MTHFD1L: variants seen among roughly 807,000 people sequenced by gnomAD.
The protein encoded by MTHFD1L is monofunctional C1-tetrahydrofolate synthase, mitochondrial.
Under a neutral mutation model 119.5 loss-of-function variants are expected in MTHFD1L, and 81 were observed. The ratio of observed to expected loss-of-function variants is 0.68; its 90% CI spans 0.57 to 0.82. The LOEUF is 0.82. Among genes scored for constraint, MTHFD1L ranks in the 40% least tolerant of loss-of-function variants. The pLI, the probability that MTHFD1L is intolerant of heterozygous loss-of-function variation, is 0.00. For missense variants in MTHFD1L, 1,125 were observed against 1,253.4 expected (o/e 0.90, Z 1.55); for synonymous variants, 430 against 475.2 (o/e 0.90, Z 1.24).
rs1197302685 is a variant in MTHFD1L at position 150,945,526 on chromosome 6, G to T, written c.1608G>T (p.Gln536His). ...VNGVREFSEIQLARLKKLGIN... is the reference protein window; with the variant it reads ...VNGVREFSEIHLARLKKLGIN... ...GTGTCAGAGAATTTTCAGAAATTCA[G>T]CTTGCTCGGCTAAAAGTAAGTTTCC... The change falls in exon 15 of 28, where the codon CAG (glutamine) becomes CAT (histidine). Residue 536 changes from glutamine to histidine, a missense_variant. This residue lies in a region of MTHFD1L where 1,058 missense variants were observed against 1,151.2 expected (regional missense o/e 0.92). Coordinates refer to ENST00000367321, the MANE Select transcript of MTHFD1L (RefSeq NM_015440.5). 2 of 1,613,892 alleles carry T rather than the reference G, an allele frequency of 1.2e-6. No individual in the cohort carries two copies. Among genetic ancestry groups the T allele is most frequent in the East Asian group, 2.2e-5 (1 of 44,886 alleles).
intron 10 of MTHFD1L, among the ~76,000 whole-genome samples, chr6:150,923,540 T>TATTTATTTA (rs57115594): frequency 0.026 from 2,605 of 99,126 alleles, 124 homozygotes; most frequent in African/African-American, 0.11. Flanking sequence ...TTTATTTATT[T>TATTTATTTA]TTTCTTTTTT....
intron 13 of MTHFD1L, among the ~76,000 whole-genome samples, chr6:150,942,707 A>G (rs1793333447): frequency 6.6e-6 from 1 of 151,962 alleles, no homozygotes; most frequent in Non-Finnish European, 1.5e-5. Flanking sequence ...TGATTCCAAT[A>G]TTTAAAAGTA....
intron 18 of MTHFD1L, among the ~76,000 whole-genome samples, chr6:150,960,954 C>T (rs578054002): frequency 6.6e-6 from 1 of 152,210 alleles, no homozygotes; most frequent in Admixed American, 6.5e-5. Context: ...TTTCTAGTTC[C>T]CCTTTGAGTA....
chr6:150,925,587 A>T lies in MTHFD1L; in HGVS notation c.1083-535A>T, dbSNP rs886920492. On this transcript the variant is annotated intron_variant, in intron 10 of 27. Coordinates refer to ENST00000367321, the MANE Select transcript of MTHFD1L (RefSeq NM_015440.5). ...ATTTTGAAATATGATTTTAGACTGT[A>T]AATAGAGAGGGGGAAGTGTGGACAC... Among the ~76,000 whole-genome samples the T allele has an allele frequency of 3.9e-5, 6 of 152,320 alleles. No homozygotes were observed. In the East Asian group the frequency reaches 1.2e-3, roughly 29 times the overall value.
chr6:151,075,028 T>A (rs1792352498), intron 26 of MTHFD1L, among the ~76,000 whole-genome samples: 1 of 152,008 alleles, frequency 6.6e-6, no homozygotes, highest in South Asian at 2.1e-4. Flanking sequence ...TATATAGTTA[T>A]CTACAAAGTA....
At chr6:150,978,661 G>A (rs568728008) in intron 20 of MTHFD1L, among the ~76,000 whole-genome samples, 4 of 152,092 alleles carry the variant, frequency 2.6e-5, no homozygotes, top group African/African-American at 7.2e-5. Flanking sequence ...AAACGCCCCC[G>A]TTTCTGAGCC....
intron 26 of MTHFD1L, among the ~76,000 whole-genome samples, chr6:151,062,353 G>A (rs1483233603): frequency 6.6e-6 from 1 of 152,146 alleles, no homozygotes; most frequent in Non-Finnish European, 1.5e-5. Flanking sequence ...TAGGAGAATG[G>A]CGTGAATCCG....
At chr6:150,878,509 C>A (rs1780848789) in intron 4 of MTHFD1L, among the ~76,000 whole-genome samples, 1 of 152,206 alleles carries the variant, frequency 6.6e-6, no homozygotes, top group African/African-American at 2.4e-5. Flanking sequence ...TCCTTGGCCT[C>A]CCAAAGTGCT....
At chr6:151,047,933 A>G (rs879217613) in intron 26 of MTHFD1L, among the ~76,000 whole-genome samples, 10 of 152,190 alleles carry the variant, frequency 6.6e-5, no homozygotes, top group Admixed American at 6.5e-4. Flanking sequence ...ACTTACAATC[A>G]TGGTGGAAGG....
At chr6:150,939,002 G>T (rs1359736159) in intron 13 of MTHFD1L, among the ~76,000 whole-genome samples, 3 of 152,154 alleles carry the variant, frequency 2.0e-5, no homozygotes, top group East Asian at 3.8e-4. Flanking sequence ...AATTATTTTT[G>T]ATTAACAGGT....
chr6:150,898,010 A>G (rs1334874021), intron 7 of MTHFD1L, among the ~76,000 whole-genome samples: 1 of 151,906 alleles, frequency 6.6e-6, no homozygotes, highest in Non-Finnish European at 1.5e-5. Context: ...ACGCCCAGCT[A>G]ATTTTGTATT....
intron 26 of MTHFD1L, among the ~76,000 whole-genome samples, chr6:151,077,088 C>G (rs1792597716): frequency 6.6e-6 from 1 of 152,010 alleles, no homozygotes; most frequent in Non-Finnish European, 1.5e-5. Flanking sequence ...AATGGGAATT[C>G]CAATAAGACA....
chr6:151,061,121 A>G (rs1790567911), intron 26 of MTHFD1L, among the ~76,000 whole-genome samples: 1 of 152,230 alleles, frequency 6.6e-6, no homozygotes, highest in Non-Finnish European at 1.5e-5. Context: ...TAAGCAATAA[A>G]GAACCTAGAA....
chr6:151,042,116 G>A, intron 26 of MTHFD1L: 1 of 241,054 alleles, frequency 4.1e-6, no homozygotes. Context: ...TGTAACTGAA[G>A]CCCCCAGCAC....
chr6:151,012,551 A>G (rs1448895911), intron 21 of MTHFD1L, among the ~76,000 whole-genome samples: 1 of 151,888 alleles, frequency 6.6e-6, no homozygotes. Flanking sequence ...GCCCTCAGTC[A>G]TTTTAAACTC....
At chr6:150,998,162 T>G (rs1780088664) in intron 20 of MTHFD1L, among the ~76,000 whole-genome samples, 1 of 152,272 alleles carries the variant, frequency 6.6e-6, no homozygotes, top group African/African-American at 2.4e-5. Flanking sequence ...TTATTTCCTT[T>G]TTTTAAATGC....
chr6:150,920,873 A>C (rs1333502765), intron 9 of MTHFD1L, among the ~76,000 whole-genome samples: 2 of 151,308 alleles, frequency 1.3e-5, no homozygotes, highest in Non-Finnish European at 2.9e-5. Context: ...CCCAGGTTCA[A>C]GTGATTCTCC....
At chr6:150,981,834 C>G (rs1399767681) in intron 20 of MTHFD1L, among the ~76,000 whole-genome samples, 2 of 152,160 alleles carry the variant, frequency 1.3e-5, no homozygotes, top group African/African-American at 4.8e-5. Flanking sequence ...GCCTGTAATT[C>G]CACTGCTTTT....
chr6:150,906,149 C>T (rs1015765712), intron 8 of MTHFD1L, among the ~76,000 whole-genome samples: 1 of 152,152 alleles, frequency 6.6e-6, no homozygotes, highest in Non-Finnish European at 1.5e-5. Context: ...AGATGAGCGC[C>T]GGATTGTTGG....
Sources: gnomAD v4.1 joint callset for allele counts (sites outside exome capture counted in the v4.1 genomes callset) on GRCh38, gnomAD v4.1.1 for gene constraint, gnomAD v4.1.1 regional missense constraint, MANE v1.5 for transcripts, NCBI Gene and HGNC (gene_info 2026-07-23, HGNC 2026-07-21) for gene names.